NGLY1: variants seen among roughly 807,000 people sequenced by gnomAD.
The protein encoded by NGLY1 is peptide-N(4)-(N-acetyl-beta-glucosaminyl)asparagine amidase.
In NGLY1, 68 loss-of-function variants were observed where a neutral mutation model predicts 84.6. The observed-to-expected ratio is 0.80, with a 90% CI of 0.66 to 0.98. The LOEUF is 0.98. NGLY1 is among the 50% of genes least tolerant of loss of function. The pLI is 0.00. For synonymous variants in NGLY1, 280 were observed against 275.2 expected (o/e 1.02, Z -0.17); for missense variants, 779 against 770.2 (o/e 1.01, Z -0.14).
At position 25,771,198 on chromosome 3, in the gene NGLY1, A is replaced by G. The variant is rs183357987; in HGVS notation, c.247-6887T>C. On this transcript the variant is annotated intron_variant, in intron 2 of 11. Transcript: ENST00000280700. ...TCCAGGTCTTAGATTTAAGTCTTTC[A>G]TACAGCTCCAGTTGATTTTTGTATA... is the stretch of plus-strand genomic sequence containing the variant. Among the ~76,000 whole-genome samples the G allele has an allele frequency of 2.7e-3, 413 of 152,282 alleles. 1 individual carries two copies. The highest frequency in any genetic ancestry group is 9.1e-3 in the African/African-American group (377 of 41,562).
At chr3:25,723,761 T>A (rs2968164) in intron 10 of NGLY1, among the ~76,000 whole-genome samples, 100,200 of 152,130 alleles carry the variant, frequency 0.66, 38,068 homozygotes, top group East Asian at 0.94. Flanking sequence ...AAATTTTTTT[T>A]AAATTTATTG....
At chr3:25,770,156 A>G (rs1351850515) in intron 2 of NGLY1, among the ~76,000 whole-genome samples, 1 of 151,990 alleles carries the variant, frequency 6.6e-6, no homozygotes, top group Non-Finnish European at 1.5e-5. Context: ...ATAGTATTCC[A>G]CTTTTTTGTT....
chr3:25,753,422 A>G (rs1488707369), intron 3 of NGLY1, among the ~76,000 whole-genome samples: 1 of 152,144 alleles, frequency 6.6e-6, no homozygotes, highest in Non-Finnish European at 1.5e-5. Context: ...ATAGCCAAAA[A>G]AAATATAGCT....
At chr3:25,755,124 A>C in intron 3 of NGLY1, 1 of 1,356,398 alleles carries the variant, frequency 7.4e-7, no homozygotes, top group Non-Finnish European at 1.1e-6. Context: ...CCTAATGTTG[A>C]TGCAGATGAT....
chr3:25,789,975 A>ACCTTGGCTG, exon 1 of NGLY1: 1 of 1,352,906 alleles, frequency 7.4e-7, no homozygotes, highest in Non-Finnish European at 1.0e-6. Flanking sequence ...GACCTCAGCC[A>ACCTTGGCTG]AGGTGACGCG....
At position 25,733,883 on chromosome 3, in the gene NGLY1, G is replaced by A. The variant is rs777927774; in HGVS notation, c.1249C>T (p.Leu417Phe). ...EALLRDTING[L>F]NKQRQLFLSE... is the part of the protein sequence containing the mutation. ...TAGCCACACCATACCTGCTTATTAA[G>A]CCCATTAATAGTGTCTCGAAGTAAT... The change falls in exon 8 of 12, where the codon CTT (leucine) becomes TTT (phenylalanine). Residue 417 changes from leucine to phenylalanine, a missense_variant. Leu to Phe is a conservative substitution (Grantham distance 22, BLOSUM62 0). Coordinates refer to ENST00000280700, the MANE Select transcript of NGLY1 (RefSeq NM_018297.4). 15 of 1,610,722 alleles carry A rather than the reference G, an allele frequency of 9.3e-6. No individual in the cohort carries two copies. In the South Asian group the frequency reaches 1.3e-4, roughly 14 times the overall value.
At chr3:25,723,384 T>C (rs1039462173) in intron 10 of NGLY1, among the ~76,000 whole-genome samples, 2 of 152,190 alleles carry the variant, frequency 1.3e-5, no homozygotes, top group Admixed American at 6.5e-5. Context: ...AAAAGGTCTC[T>C]TATGTTAAAG....
At chr3:25,782,241 G>A (rs577696396) in intron 1 of NGLY1, among the ~76,000 whole-genome samples, 2 of 152,134 alleles carry the variant, frequency 1.3e-5, no homozygotes, top group East Asian at 3.9e-4. Flanking sequence ...TCTAAAATTG[G>A]GTCACGTGAA....
chr3:25,755,479 A>G, intron 3 of NGLY1: 1 of 1,460,662 alleles, frequency 6.8e-7, no homozygotes, highest in Non-Finnish European at 9.6e-7. Context: ...TTAACAGTGC[A>G]GATTCCACCT....
At chr3:25,760,817 G>A (rs952072258) in intron 3 of NGLY1, among the ~76,000 whole-genome samples, 11 of 99,000 alleles carry the variant, frequency 1.1e-4, no homozygotes, top group African/African-American at 3.1e-4. Context: ...CCGAGATCAC[G>A]CCATTGCACT....
chr3:25,735,188 G>A (rs1181709830), intron 7 of NGLY1: 1 of 152,008 alleles, frequency 6.6e-6, no homozygotes, highest in Non-Finnish European at 1.5e-5. Context: ...ACATCAAAAA[G>A]CACAATCCAT....
At chr3:25,774,000 C>A (rs1489466771) in intron 2 of NGLY1, among the ~76,000 whole-genome samples, 1 of 152,186 alleles carries the variant, frequency 6.6e-6, no homozygotes, top group Non-Finnish European at 1.5e-5. Context: ...GATACCAGTA[C>A]CTACTCTGAT....
chr3:25,755,458 A>G (rs1046387672), intron 3 of NGLY1: 2 of 1,467,032 alleles, frequency 1.4e-6, no homozygotes, highest in Non-Finnish European at 9.6e-7. Flanking sequence ...TGTCAGTGAC[A>G]AGCCAAAGAT....
chr3:25,771,435 G>A (rs1310342671), intron 2 of NGLY1, among the ~76,000 whole-genome samples: 1 of 152,064 alleles, frequency 6.6e-6, no homozygotes, highest in Admixed American at 6.5e-5. Flanking sequence ...CTGTTTTGTT[G>A]ACTATAGTCT....
rs1708497696 is a variant in NGLY1 at position 25,783,136 on chromosome 3, G to C, written c.131+124C>G. The C allele has an allele frequency of 7.8e-6, 7 of 892,120 alleles. No homozygotes were observed. The South Asian group carries it at 1.0e-4, about 13-fold the overall frequency. 55.3% of individuals were successfully genotyped at this position (892,120 alleles called of 1,614,324 possible). A position where few individuals can be genotyped will look rare whatever the true frequency, so the allele number is the denominator to read the frequency against. ...GACGTTAGGAGCAGAACCAGCTCCA[G>C]GTCCCGGTCTGTCCGGGCGTCGCTG... is the stretch of plus-strand genomic sequence containing the variant. On this transcript the variant is annotated intron_variant, in intron 1 of 11. Coordinates refer to ENST00000280700, the MANE Select transcript of NGLY1 (RefSeq NM_018297.4). This position sits in a 1 kb window ranked among gnomAD's most constrained non-coding sequence, Gnocchi z 4.5.
chr3:25,751,961 G>A (rs1026764655), intron 3 of NGLY1, among the ~76,000 whole-genome samples: 2 of 152,130 alleles, frequency 1.3e-5, no homozygotes, highest in African/African-American at 4.8e-5. Flanking sequence ...GTTGCCACTG[G>A]CACATCCCAC....
chr3:25,782,575 A>G (rs1317891091), intron 1 of NGLY1, among the ~76,000 whole-genome samples: 1 of 152,174 alleles, frequency 6.6e-6, no homozygotes, highest in African/African-American at 2.4e-5. Flanking sequence ...CAGGAGAATG[A>G]AGGAAATTAC....
At chr3:25,740,800 C>T in intron 4 of NGLY1, among the ~76,000 whole-genome samples, 1 of 152,102 alleles carries the variant, frequency 6.6e-6, no homozygotes, top group Middle Eastern at 3.4e-3. Context: ...TTAATATAAT[C>T]CCAATTAAAA....
At chr3:25,784,549 T>G (rs191603639), upstream of NGLY1, among the ~76,000 whole-genome samples, 1 of 152,234 alleles carries the variant, frequency 6.6e-6, no homozygotes, top group Non-Finnish European at 1.5e-5. Context: ...CTTCCTTCTT[T>G]GCAGAAATTC....
Sources: gnomAD v4.1 joint callset for allele counts (sites outside exome capture counted in the v4.1 genomes callset) on GRCh38, gnomAD v4.1.1 for gene constraint, Gnocchi (gnomAD v3.1) non-coding constraint, MANE v1.5 for transcripts, NCBI Gene and HGNC (gene_info 2026-07-23, HGNC 2026-07-21) for gene names.